TRAPPC10: variants seen among roughly 807,000 people sequenced by gnomAD.
TRAPPC10 encodes trafficking protein particle complex subunit 10, also known as TRAPP 130 kDa subunit.
Under a neutral mutation model 125.5 loss-of-function variants are expected in TRAPPC10, and 23 were observed. That is an observed-to-expected ratio of 0.18 (90% CI 0.13 to 0.26). The LOEUF (loss-of-function observed/expected upper bound fraction) is 0.26, where lower values mean the gene tolerates loss of function less well. Among genes scored for constraint, TRAPPC10 ranks in the 10% least tolerant of loss-of-function variants. The pLI, the probability that TRAPPC10 is intolerant of heterozygous loss-of-function variation, is 1.00. For missense variants in TRAPPC10, 1,123 were observed against 1,308.4 expected, an observed-to-expected ratio of 0.86 and a Z score of 2.19; for synonymous variants, 509 against 518.0, an observed-to-expected ratio of 0.98 and a Z score of 0.24.
chr21:44,031,477 C>T (rs2033575792), intron 1 of TRAPPC10, among the ~76,000 whole-genome samples: 1 of 152,228 alleles, frequency 6.6e-6, no homozygotes, highest in Admixed American at 6.5e-5. Context: ...TAACTCGCGT[C>T]TGCCACTGTC....
intron 3 of TRAPPC10, among the ~76,000 whole-genome samples, chr21:44,050,468 G>C (rs1316220555): frequency 6.6e-6 from 1 of 152,178 alleles, no homozygotes; most frequent in Non-Finnish European, 1.5e-5. Context: ...GCTTCCAGCA[G>C]CTCCTTGGAT....
In TRAPPC10 at chr21:44,063,761, C is replaced by T. The variant is rs374924715; in HGVS notation, c.1014C>T (p.Cys338=). 6.8e-6 allele frequency: 11 copies of T among 1,613,790 alleles called. No individual in the cohort carries two copies. Among genetic ancestry groups the T allele is most frequent in the African/African-American group, 4.0e-5 (3 of 74,914 alleles). The stretch of plus-strand genomic sequence containing the variant: ...GCGCCCTAGAGCTGCTGCACAACTG[C>T]GTGCAGGAACTGAAGCTCTTAGAAG... The part of the protein sequence containing the change: ...AQRALELLHN[C]VQELKLLEVS... Residue 338 remains cysteine, a synonymous_variant, in exon 7 of 23, where the codon TGC becomes TGT. Coordinates refer to ENST00000291574, the MANE Select transcript of TRAPPC10 (RefSeq NM_003274.5). This position sits in a 1 kb window ranked among gnomAD's most constrained non-coding sequence, Gnocchi z 4.4.
At chr21:44,035,405 A>G (rs564314750) in intron 2 of TRAPPC10, among the ~76,000 whole-genome samples, 83 of 152,298 alleles carry the variant, frequency 5.4e-4, no homozygotes, top group Non-Finnish European at 9.6e-4. Context: ...AGCAGAAAAC[A>G]TACCAAGACA....
Position 44,092,081 on chromosome 21 carries a change from C to T in TRAPPC10, c.2997+32C>T, listed in dbSNP as rs374314924. On this transcript the variant is annotated intron_variant, in intron 19 of 22. Transcript: ENST00000291574. ...ATTGTGTAGACCTGAGCATAAACTTCTCAACAGAGAACCAGAGTGTACGGA... is the reference window on the plus strand; with the variant it reads ...ATTGTGTAGACCTGAGCATAAACTTTTCAACAGAGAACCAGAGTGTACGGA... 24 of 1,610,768 alleles carry T rather than the reference C, an allele frequency of 1.5e-5. No individual in the cohort carries two copies. In the African/African-American group the frequency reaches 2.5e-4, roughly 17 times the overall value.
chr21:44,030,177 G>A (rs1279938443), intron 1 of TRAPPC10, among the ~76,000 whole-genome samples: 1 of 152,160 alleles, frequency 6.6e-6, no homozygotes, highest in East Asian at 1.9e-4. Flanking sequence ...TACTCTGTAC[G>A]GATGTTATTT....
chr21:44,057,364 A>G (rs1231972860), intron 5 of TRAPPC10, among the ~76,000 whole-genome samples: 1 of 150,504 alleles, frequency 6.6e-6, no homozygotes, highest in Non-Finnish European at 1.5e-5. Context: ...CAGTGGTGCG[A>G]TCTCGGCTCA....
chr21:44,083,751 A>G (rs1447148099), intron 14 of TRAPPC10, among the ~76,000 whole-genome samples: 1 of 152,248 alleles, frequency 6.6e-6, no homozygotes, highest in Non-Finnish European at 1.5e-5. Flanking sequence ...GATATCCTGT[A>G]AGTTCCACTA....
chr21:44,087,017 G>A lies in TRAPPC10; in HGVS notation c.2539+57G>A. ...ATGCCCACCTTGCCCTGCACTGTGT[G>A]GGTGTGAGGGTGAGCCTGGCCTTGC... is the stretch of plus-strand genomic sequence containing the variant. On this transcript the variant is annotated intron_variant, in intron 16 of 22. Transcript: ENST00000291574. This position sits in a 1 kb window ranked among gnomAD's most constrained non-coding sequence, Gnocchi z 4.6. 1 of 1,580,966 alleles carries A rather than the reference G, an allele frequency of 6.3e-7. No homozygotes were observed. Among genetic ancestry groups the A allele is most frequent in the Non-Finnish European group, 8.6e-7 (1 of 1,158,348 alleles).
intron 20 of TRAPPC10, among the ~76,000 whole-genome samples, chr21:44,095,046 T>A (rs939346729): frequency 6.7e-6 from 1 of 149,018 alleles, no homozygotes; most frequent in Non-Finnish European, 1.5e-5. Context: ...ATAATTTATA[T>A]ATAAACAAAT....
chr21:44,038,027 G>T, intron 3 of TRAPPC10, 100 bp downstream of exon 3: 1 of 1,491,848 alleles, frequency 6.7e-7, no homozygotes, highest in Non-Finnish European at 9.1e-7. Flanking sequence ...CGCGTGGTGG[G>T]GTGGAGTTGG....
At chr21:44,032,314 C>T in intron 2 of TRAPPC10, 142 bp downstream of exon 2, 1 of 536,598 alleles carries the variant, frequency 1.9e-6, no homozygotes, top group Non-Finnish European at 3.2e-6. Flanking sequence ...TCTAAAGAAA[C>T]AGAATGACCT....
rs1176006640 is a variant in TRAPPC10, at chr21:44,082,818, T to C, written c.1754T>C (p.Phe585Ser). The change falls in exon 14 of 23, where the codon TTT becomes TCT. Residue 585 changes from phenylalanine (F) to serine (S), a missense_variant. Phe to Ser is a radical substitution (Grantham distance 155). Transcript: ENST00000291574. This position sits in a 1 kb window ranked among gnomAD's most constrained non-coding sequence, Gnocchi z 4.4. ...AAGATAGTGCTACCCATGCATTCCT[T>C]TGCACAACTGCGAGATCTCCATTTT... ...GHKIVLPMHS[F>S]AQLRDLHFDP... The C allele has an allele frequency of 1.9e-6, 3 of 1,613,914 alleles. No individual in the cohort carries two copies.
chr21:44,079,387 G>A (rs994231648), intron 11 of TRAPPC10, 177 bp from the exon 12 acceptor site: 27 of 594,144 alleles, frequency 4.5e-5, no homozygotes, highest in African/African-American at 2.5e-4. Context: ...TAATTATGTC[G>A]TCCTGAGTAG....
chr21:44,035,708 A>G (rs901050267), intron 2 of TRAPPC10, among the ~76,000 whole-genome samples: 2 of 152,048 alleles, frequency 1.3e-5, no homozygotes, highest in South Asian at 2.1e-4. Flanking sequence ...ACCTGGGAGG[A>G]GGAGATTGCA....
At chr21:44,055,553 G>T in intron 4 of TRAPPC10, 145 bp from the exon 5 acceptor site, 1 of 601,496 alleles carries the variant, frequency 1.7e-6, no homozygotes, top group East Asian at 2.7e-5. Context: ...ACTCCAGCCT[G>T]GGCCACAGAG....
At position 44,091,060 on chromosome 21, in the gene TRAPPC10, G is replaced by A. The variant is rs190152742; in HGVS notation, c.2871-863G>A. Among the ~76,000 whole-genome samples, 585 of 152,024 alleles carry A rather than the reference G, an allele frequency of 3.8e-3. 2 individuals are homozygous for A. The highest frequency in any genetic ancestry group is 6.8e-3 in the Middle Eastern group (2 of 294). ...ACAAAAATTAGCCGGGCATGGTGGCGGGCGCCTGTAATCCCAGCTACTCGG... is the reference window on the plus strand; with the variant it reads ...ACAAAAATTAGCCGGGCATGGTGGCAGGCGCCTGTAATCCCAGCTACTCGG... On this transcript the variant is annotated intron_variant, in intron 18 of 22. Coordinates refer to ENST00000291574, the MANE Select transcript of TRAPPC10 (RefSeq NM_003274.5).
intron 3 of TRAPPC10, among the ~76,000 whole-genome samples, chr21:44,040,808 A>G (rs1601623779): frequency 1.5e-5 from 2 of 137,236 alleles, no homozygotes; most frequent in Non-Finnish European, 3.1e-5. Context: ...TAGAGATGGG[A>G]TCTTACCATG....
intron 7 of TRAPPC10, among the ~76,000 whole-genome samples, chr21:44,064,694 A>T (rs1463546590): frequency 6.6e-6 from 1 of 152,106 alleles, no homozygotes; most frequent in Non-Finnish European, 1.5e-5. Context: ...ATAATATAGG[A>T]ACTTATTTTT....
chr21:44,014,057 G>C (rs780593617), intron 1 of TRAPPC10, among the ~76,000 whole-genome samples: 1 of 152,154 alleles, frequency 6.6e-6, no homozygotes, highest in Non-Finnish European at 1.5e-5. Context: ...TGTGAATGCT[G>C]GATACACATT....
Sources: allele counts gnomAD v4.1 joint callset (sites outside exome capture counted in the v4.1 genomes callset), GRCh38; gene constraint gnomAD v4.1.1; non-coding constraint Gnocchi (gnomAD v3.1); transcripts MANE v1.5; gene names NCBI Gene and HGNC (gene_info 2026-07-23, HGNC 2026-07-21).